NELL2: variants seen among roughly 807,000 people sequenced by gnomAD.
NELL2 encodes protein kinase C-binding protein NELL2.
NELL2 carries 41 observed loss-of-function variants against 109.6 expected under a neutral mutation model. The observed-to-expected ratio is 0.37, with a 90% CI of 0.29 to 0.49. The LOEUF (loss-of-function observed/expected upper bound fraction) is 0.49, where lower values mean the gene tolerates loss of function less well. Among genes scored for constraint, NELL2 ranks in the 20% least tolerant of loss-of-function variants. The pLI is 0.98. For synonymous variants in NELL2, 355 were observed against 344.7 expected, an observed-to-expected ratio of 1.03 and a Z score of -0.33; for missense variants, 900 against 1,008.3, an observed-to-expected ratio of 0.89 and a Z score of 1.45.
At chr12:44,665,320 CT>C in intron 13 of NELL2, 163 bp downstream of exon 13, 1 of 539,428 alleles carries the variant, frequency 1.9e-6, no homozygotes. Context: ...TGTTTTTTTT[CT>C]TTAGAACAGA....
intron 2 of NELL2, among the ~76,000 whole-genome samples, chr12:44,843,880 G>T (rs1249878343): frequency 6.6e-6 from 1 of 152,104 alleles, no homozygotes; most frequent in African/African-American, 2.4e-5. Context: ...AAATTAGCTG[G>T]GTGTGGTGGC....
At chr12:44,552,642 T>C (rs1478572211) in intron 15 of NELL2, among the ~76,000 whole-genome samples, 1 of 152,162 alleles carries the variant, frequency 6.6e-6, no homozygotes, top group Non-Finnish European at 1.5e-5. Context: ...CCATGTTACA[T>C]AGAATTCTCC....
intron 13 of NELL2, among the ~76,000 whole-genome samples, chr12:44,657,678 G>C (rs1201842551): frequency 6.6e-6 from 1 of 152,038 alleles, no homozygotes; most frequent in Non-Finnish European, 1.5e-5. Flanking sequence ...CCCTCCCTGT[G>C]TCTATGTTTT....
chr12:44,770,983 C>T (rs193199946), intron 9 of NELL2, among the ~76,000 whole-genome samples: 3 of 152,160 alleles, frequency 2.0e-5, no homozygotes, highest in Admixed American at 2.0e-4. Flanking sequence ...CATTTGATTT[C>T]CTAGAATTTC....
chr12:44,870,177 G>A (rs578160030), intron 2 of NELL2, among the ~76,000 whole-genome samples: 14 of 152,140 alleles, frequency 9.2e-5, no homozygotes, highest in Admixed American at 2.0e-4. Context: ...ACCAATGCTC[G>A]CTTATGATAA....
At chr12:44,910,040 C>T (rs1945762106) in intron 1 of NELL2, among the ~76,000 whole-genome samples, 2 of 151,838 alleles carry the variant, frequency 1.3e-5, no homozygotes. Context: ...CTAGAAGAAA[C>T]ATAGGAAACA....
chr12:44,851,607 G>A (rs1454040176), intron 2 of NELL2: 1 of 152,090 alleles, frequency 6.6e-6, no homozygotes, highest in Non-Finnish European at 1.5e-5. Context: ...GCTAAAGATA[G>A]AATTAAACTA....
At position 44,643,487 on chromosome 12, in the gene NELL2, G is replaced by C. The variant is rs544166841; in HGVS notation, c.1444+21997C>G. ...ATGTCTAAAATATTAACGAGGTTCA[G>C]ACCTTCCAAAGGGAAAAAAAAGATA... is the stretch of plus-strand genomic sequence containing the variant. On this transcript the variant is annotated intron_variant, in intron 13 of 19. Transcript: ENST00000429094. 2.6e-5 allele frequency among the ~76,000 whole-genome samples: 4 copies of C among 151,964 alleles called. No individual in the cohort carries two copies. The East Asian group carries it at 7.7e-4, about 29-fold the overall frequency.
intron 12 of NELL2, among the ~76,000 whole-genome samples, chr12:44,675,509 A>C (rs930368594): frequency 6.6e-5 from 10 of 152,280 alleles, no homozygotes; most frequent in African/African-American, 2.4e-4. Flanking sequence ...AGAAACTAGA[A>C]TTTATACATT....
chr12:44,779,909 C>A lies in NELL2; in HGVS notation c.449G>T (p.Trp150Leu). ...ACTGATGGCTAAGGAGAGCTTGTGC[C>A]ACTTGTCATCAGCCAAAATGTAAGG... ...VFPYILADDK[W>L]HKLSLAISAS... Residue 150 changes from tryptophan to leucine, a missense_variant, in exon 4 of 20, where the codon TGG (tryptophan) becomes TTG (leucine). Physicochemically the swap from Trp to Leu is moderately conservative, Grantham distance 61. This residue lies in a region of NELL2 where 200 missense variants were observed against 191.8 expected (regional missense o/e 1.04). Transcript: ENST00000429094. The A allele has an allele frequency of 6.2e-7, 1 of 1,613,902 alleles. No homozygotes were observed. Among genetic ancestry groups the A allele is most frequent in the Non-Finnish European group, 8.5e-7 (1 of 1,179,824 alleles).
rs201055577 is a variant in NELL2 at position 44,747,073 on chromosome 12, G to A, written c.994+27674C>T. Among the ~76,000 whole-genome samples the A allele has an allele frequency of 1.3e-3, 197 of 152,276 alleles. 2 individuals are homozygous for A. The highest frequency in any genetic ancestry group is 8.3e-3 in the East Asian group (43 of 5,184). On this transcript the variant is annotated intron_variant, in intron 9 of 19. Coordinates refer to ENST00000429094, the MANE Select transcript of NELL2 (RefSeq NM_001145108.2). ...CCAAATGTCCAACAACGATAGACTGGATTAAGAAAATGTGGCACATATACA... is the reference window on the plus strand; with the variant it reads ...CCAAATGTCCAACAACGATAGACTGAATTAAGAAAATGTGGCACATATACA...
At chr12:44,676,440 C>T (rs1948320697) in intron 12 of NELL2, among the ~76,000 whole-genome samples, 1 of 152,034 alleles carries the variant, frequency 6.6e-6, no homozygotes, top group Admixed American at 6.6e-5. Context: ...CTATCATATG[C>T]TTTAAAGTCA....
chr12:44,825,906 G>A (rs1408058829), intron 2 of NELL2, among the ~76,000 whole-genome samples: 1 of 151,774 alleles, frequency 6.6e-6, no homozygotes, highest in Non-Finnish European at 1.5e-5. Flanking sequence ...GCCCAGCGTG[G>A]TGGTGCCTGC....
chr12:44,781,470 C>T (rs1941957164), intron 3 of NELL2, among the ~76,000 whole-genome samples: 1 of 151,880 alleles, frequency 6.6e-6, no homozygotes, highest in Non-Finnish European at 1.5e-5. Context: ...GCTTAAAAAA[C>T]AATATTGAAG....
chr12:44,576,039 C>CA (rs1238559972), intron 15 of NELL2, among the ~76,000 whole-genome samples: 1 of 152,198 alleles, frequency 6.6e-6, no homozygotes, highest in African/African-American at 2.4e-5. Flanking sequence ...TTCCGTTCCT[C>CA]AAATGTGCCA....
chr12:44,727,478 A>G (rs1939141136), intron 9 of NELL2, among the ~76,000 whole-genome samples: 1 of 152,124 alleles, frequency 6.6e-6, no homozygotes, highest in South Asian at 2.1e-4. Context: ...ATGACTGCAA[A>G]AAGAGTAATA....
chr12:44,637,665 C>T (rs1353507120), intron 13 of NELL2, among the ~76,000 whole-genome samples: 1 of 150,552 alleles, frequency 6.6e-6, no homozygotes, highest in Admixed American at 6.7e-5. Context: ...GAAAAAGCCT[C>T]ACGTCTCTGA....
intron 15 of NELL2, among the ~76,000 whole-genome samples, chr12:44,574,705 T>C (rs1944006927): frequency 6.6e-6 from 1 of 152,310 alleles, no homozygotes; most frequent in African/African-American, 2.4e-5. Flanking sequence ...AAAATACCAT[T>C]TGAATTAAGA....
At position 44,791,959 on chromosome 12, in the gene NELL2, A is replaced by C. The variant is rs749011987; in HGVS notation, c.336-11937T>G. Among the ~76,000 whole-genome samples the C allele has an allele frequency of 6.5e-4, 21 of 32,438 alleles. 1 individual carries two copies. Among genetic ancestry groups the C allele is most frequent in the Admixed American group, 3.2e-3 (12 of 3,754 alleles). 21.3% of individuals were successfully genotyped at this position (32,438 alleles called of 152,430 possible). ...GATTCCCTAGGGAATTATTACAGACAAAAAAAAAAAGGCACTTTGACATTT... is the reference window on the plus strand; with the variant it reads ...GATTCCCTAGGGAATTATTACAGACCAAAAAAAAAAGGCACTTTGACATTT... On this transcript the variant is annotated intron_variant, in intron 3 of 19. Transcript: ENST00000429094.
Sources: allele counts gnomAD v4.1 joint callset (sites outside exome capture counted in the v4.1 genomes callset), GRCh38; gene constraint gnomAD v4.1.1; regional missense constraint gnomAD v4.1.1; transcripts MANE v1.5; gene names NCBI Gene and HGNC (gene_info 2026-07-23, HGNC 2026-07-21).